The following GRIN2D variants were observed in gnomAD, a reference collection of about 807,000 sequenced individuals.
GRIN2D encodes glutamate ionotropic receptor NMDA type subunit 2D.
A neutral mutation model predicts 103.2 loss-of-function variants in GRIN2D; 37 were observed. The ratio of observed to expected loss-of-function variants is 0.36; its 90% CI spans 0.28 to 0.47. The LOEUF (loss-of-function observed/expected upper bound fraction) is 0.47, where lower values mean the gene tolerates loss of function less well. GRIN2D is among the 20% of genes least tolerant of loss of function. The probability of loss-of-function intolerance (pLI) is 1.00; values close to 1 mark genes in which losing one functional copy is unlikely to be tolerated. For missense variants in GRIN2D, 1,557 were observed against 1,910.6 expected, an observed-to-expected ratio of 0.81 and a Z score of 3.45; for synonymous variants, 845 against 885.6, an observed-to-expected ratio of 0.95 and a Z score of 0.81.
chr19:48,426,626 C>T (rs1196431413), intron 11 of GRIN2D, among the ~76,000 whole-genome samples: 1 of 151,200 alleles, frequency 6.6e-6, no homozygotes, highest in Non-Finnish European at 1.5e-5. Flanking sequence ...CCTCTGTTGC[C>T]CAGACTGGAG....
At chr19:48,399,181 G>A (rs986759120) in intron 3 of GRIN2D, among the ~76,000 whole-genome samples, 2 of 152,164 alleles carry the variant, frequency 1.3e-5, no homozygotes, top group African/African-American at 4.8e-5. Context: ...CGAGGGAAGG[G>A]TTAGGGGCTG....
chr19:48,442,637 C>T lies in GRIN2D; in HGVS notation c.2711C>T (p.Pro904Leu), dbSNP rs756840979. Reference sequence around the variant, plus strand: ...TGCTGCAGCGCTGAGGCCGCCCCACCGCCCGCCAAGCCCCCGCCGCCGCCA... The same window carrying T: ...TGCTGCAGCGCTGAGGCCGCCCCACTGCCCGCCAAGCCCCCGCCGCCGCCA... ...YSCCSAEAAP[P>L]PAKPPPPPQP... The change falls in exon 14 of 14, where the codon CCG (proline) becomes CTG (leucine). Residue 904 changes from proline (P) to leucine (L), a missense_variant. Physicochemically the swap from Pro to Leu is moderately conservative, Grantham distance 98. This residue lies in a region of GRIN2D where 632 missense variants were observed against 572.8 expected (regional missense o/e 1.10). Coordinates refer to ENST00000263269, the MANE Select transcript of GRIN2D (RefSeq NM_000836.4). The surrounding 1 kb of genome is among the most constrained non-coding windows in gnomAD (Gnocchi z 7.2). 1 of 1,492,552 alleles carries T rather than the reference C, an allele frequency of 6.7e-7. No individual in the cohort carries two copies. Among genetic ancestry groups the T allele is most frequent in the South Asian group, 1.3e-5 (1 of 79,818 alleles). The allele number at this position is 1,492,552 out of a possible 1,614,324, so 92.5% of individuals were successfully genotyped here.
intron 11 of GRIN2D, among the ~76,000 whole-genome samples, chr19:48,433,347 A>T (rs1971183467): frequency 6.6e-6 from 1 of 152,000 alleles, no homozygotes; most frequent in Non-Finnish European, 1.5e-5. Context: ...CCTGGGCAAC[A>T]ATAGCATAAC....
At chr19:48,417,382 T>C (rs1322672294) in intron 8 of GRIN2D, among the ~76,000 whole-genome samples, 1 of 152,156 alleles carries the variant, frequency 6.6e-6, no homozygotes, top group East Asian at 1.9e-4. Context: ...GTTAGAGAGC[T>C]GCCCACCAGA....
chr19:48,406,455 C>A (rs1192692102), intron 4 of GRIN2D, among the ~76,000 whole-genome samples: 2 of 152,062 alleles, frequency 1.3e-5, no homozygotes, highest in African/African-American at 2.4e-5. Context: ...GACCTTTAAT[C>A]CTGAACGAGG....
intron 11 of GRIN2D, among the ~76,000 whole-genome samples, chr19:48,439,857 C>T (rs7255757): frequency 0.33 from 50,942 of 152,164 alleles, 10,585 homozygotes; most frequent in Non-Finnish European, 0.48. Context: ...ACAGGAGAAT[C>T]GTTTGATCCG....
intron 11 of GRIN2D, among the ~76,000 whole-genome samples, chr19:48,427,995 G>A (rs893423463): frequency 2.0e-5 from 3 of 150,416 alleles, no homozygotes; most frequent in African/African-American, 7.3e-5. Context: ...CTTGATCCCT[G>A]TATCTCTTCC....
In GRIN2D at chr19:48,441,969, A is replaced by T; in HGVS notation, c.2440+13A>T. ...TTCCTGGGGGATGGTGCGGCTGCAC[A>T]CAGGGATTTCCACAGCGGAGAGGGG... On this transcript the variant is annotated intron_variant, in intron 12 of 13. Transcript: ENST00000263269. 1 of 1,596,830 alleles carries T rather than the reference A, an allele frequency of 6.3e-7. No homozygotes were observed. Among genetic ancestry groups the T allele is most frequent in the African/African-American group, 1.3e-5 (1 of 74,836 alleles).
rs1183764028 is a variant in GRIN2D at position 48,414,946 on chromosome 19, A to T, written c.1495A>T (p.Ile499Phe). Reference protein sequence around the residue: ...IDILKRLAHTIGFSYDLYLVT... With the variant: ...IDILKRLAHTFGFSYDLYLVT... ...CATTCTGAAGCGGCTGGCGCATACC[A>T]TCGGCTTCAGCTACGACCTCTACCT... The change falls in exon 7 of 14, where the codon ATC (isoleucine) becomes TTC (phenylalanine). Residue 499 changes from isoleucine to phenylalanine, a missense_variant. Physicochemically the swap from Ile to Phe is conservative, Grantham distance 21. Around this residue, in one of 7 missense-constraint regions of GRIN2D, gnomAD observed 197 missense variants for 334.1 expected, o/e 0.59. Coordinates refer to ENST00000263269, the MANE Select transcript of GRIN2D (RefSeq NM_000836.4). This position sits in a 1 kb window ranked among gnomAD's most constrained non-coding sequence, Gnocchi z 4.6. The T allele has an allele frequency of 6.2e-7, 1 of 1,614,014 alleles. No individual in the cohort carries two copies.
chr19:48,407,573 C>G (rs1297127473), intron 4 of GRIN2D, among the ~76,000 whole-genome samples: 1 of 152,154 alleles, frequency 6.6e-6, no homozygotes, highest in Non-Finnish European at 1.5e-5. Flanking sequence ...GAGAAGGTAT[C>G]TGAGCTGTGA....
rs1971322344 is a variant in GRIN2D, at chr19:48,443,042, C to G, written c.3116C>G (p.Thr1039Ser). ...SPPAPPAAAA[T>S]AVGPPLCRLA... Reference sequence around the variant, plus strand: ...CCCGCGCCCCCCGCCGCCGCGGCCACCGCCGTCGGGCCGCCACTCTGCCGC... The same window carrying G: ...CCCGCGCCCCCCGCCGCCGCGGCCAGCGCCGTCGGGCCGCCACTCTGCCGC... Residue 1039 changes from threonine to serine, a missense_variant, in exon 14 of 14, where the codon ACC becomes AGC. Physicochemically the swap from Thr to Ser is moderately conservative, Grantham distance 58. Around this residue, in one of 7 missense-constraint regions of GRIN2D, gnomAD observed 632 missense variants for 572.8 expected, o/e 1.10. Coordinates refer to ENST00000263269, the MANE Select transcript of GRIN2D (RefSeq NM_000836.4). This position sits in a 1 kb window ranked among gnomAD's most constrained non-coding sequence, Gnocchi z 8.9. 9.6e-7 allele frequency: 1 copy of G among 1,044,612 alleles called. No individual in the cohort carries two copies. The highest frequency in any genetic ancestry group is 5.7e-5 in the Admixed American group (1 of 17,614). 64.7% of individuals were successfully genotyped at this position (1,044,612 alleles called of 1,614,324 possible). A position where few individuals can be genotyped will look rare whatever the true frequency, so the allele number is the denominator to read the frequency against.
chr19:48,403,804 G>T (rs1354623336), intron 3 of GRIN2D, among the ~76,000 whole-genome samples: 1 of 152,216 alleles, frequency 6.6e-6, no homozygotes, highest in Non-Finnish European at 1.5e-5. Flanking sequence ...TGCCTTCAGG[G>T]AACCAGTCCC....
At chr19:48,402,144 GAAAGAAAGAAAGAAAGAAAGAA>G (rs775332989) in intron 3 of GRIN2D, among the ~76,000 whole-genome samples, 5,861 of 148,894 alleles carry the variant, frequency 0.039, 163 homozygotes, top group Middle Eastern at 0.095. Flanking sequence ...AAGAAAGAAA[GAAAGAAAGAAAGAAAGAAAGAA>G]AGAGAGAAAA....
At chr19:48,424,097 G>A (rs1971056338) in intron 11 of GRIN2D, among the ~76,000 whole-genome samples, 1 of 151,600 alleles carries the variant, frequency 6.6e-6, no homozygotes, top group Non-Finnish European at 1.5e-5. Flanking sequence ...GGGATTAGAG[G>A]CGTGAGCCAC....
intron 3 of GRIN2D, among the ~76,000 whole-genome samples, chr19:48,402,132 G>C (rs4009670): frequency 2.2e-5 from 3 of 138,826 alleles, no homozygotes; most frequent in Non-Finnish European, 4.8e-5. Context: ...AAGAAAGAAA[G>C]AAAGAAAGAA....
intron 7 of GRIN2D, among the ~76,000 whole-genome samples, chr19:48,415,257 GC>G (rs1970930859): frequency 6.6e-6 from 1 of 152,104 alleles, no homozygotes. Flanking sequence ...TGTAATCCCA[GC>G]TACTCGGGAG....
intron 11 of GRIN2D, among the ~76,000 whole-genome samples, chr19:48,440,812 G>A (rs555483052): frequency 6.0e-4 from 91 of 152,116 alleles, no homozygotes; most frequent in Admixed American, 3.8e-3. Flanking sequence ...TCAACCTCCT[G>A]AGTAGCTGGG....
intron 4 of GRIN2D, among the ~76,000 whole-genome samples, chr19:48,413,479 AAAAAACAAAAC>A (rs1448735734): frequency 2.0e-5 from 3 of 151,872 alleles, no homozygotes; most frequent in South Asian, 2.1e-4. Context: ...ACTCTGTCTC[AAAAAACAAAAC>A]AAAAACAAAA....
Position 48,442,157 on chromosome 19 carries a change from C to T in GRIN2D, c.2448C>T (p.Ile816=). 1 of 1,614,044 alleles carries T rather than the reference C, an allele frequency of 6.2e-7. No homozygotes were observed. The highest frequency in any genetic ancestry group is 8.5e-7 in the Non-Finnish European group (1 of 1,179,954). The change falls in exon 13 of 14, where the codon ATC becomes ATT. Residue 816 remains isoleucine, a synonymous_variant. Transcript: ENST00000263269. The surrounding 1 kb of genome is among the most constrained non-coding windows in gnomAD (Gnocchi z 7.2). ...TTGACCGCCCCTCCCTAGATGAGAT[C>T]GAGATGCTGGAGCGGCTGTGGCTCT... ...ALLQFLGDDE[I]EMLERLWLSG... is the part of the protein sequence containing the mutation.
Sources: gnomAD v4.1 joint callset for allele counts (sites outside exome capture counted in the v4.1 genomes callset) on GRCh38, gnomAD v4.1.1 for gene constraint, gnomAD v4.1.1 regional missense constraint, Gnocchi (gnomAD v3.1) non-coding constraint, MANE v1.5 for transcripts, NCBI Gene and HGNC (gene_info 2026-07-23, HGNC 2026-07-21) for gene names.